FRMPD2: variants seen among roughly 807,000 people sequenced by gnomAD.
FRMPD2 encodes FERM and PDZ domain-containing protein 2.
Under a neutral mutation model 140.1 loss-of-function variants are expected in FRMPD2, and 96 were observed. The observed-to-expected ratio is 0.69, with a 90% CI of 0.58 to 0.81. The LOEUF (loss-of-function observed/expected upper bound fraction) is 0.81. Ranked by LOEUF, FRMPD2 falls within the 40% of genes least tolerant of loss-of-function variation. The probability of loss-of-function intolerance (pLI) is 0.00; values close to 1 mark genes in which losing one functional copy is unlikely to be tolerated. For synonymous variants in FRMPD2, 449 were observed against 547.6 expected (o/e 0.82, Z 2.52); for missense variants, 1,240 against 1,447.4 (o/e 0.86, Z 2.32).
intron 20 of FRMPD2, among the ~76,000 whole-genome samples, chr10:48,184,321 C>A (rs769297206): frequency 1.3e-5 from 2 of 152,096 alleles, no homozygotes; most frequent in Admixed American, 1.3e-4. Context: ...TGTATCCAGC[C>A]GTGTCTAACA....
chr10:48,238,589 ACT>A (rs1252018421), intron 7 of FRMPD2, among the ~76,000 whole-genome samples: 3 of 152,170 alleles, frequency 2.0e-5, no homozygotes, highest in African/African-American at 4.8e-5. Context: ...TGCAAGATAA[ACT>A]CTACGATATC....
chr10:48,238,970 C>T (rs1297019769), intron 7 of FRMPD2, among the ~76,000 whole-genome samples: 2 of 152,158 alleles, frequency 1.3e-5, no homozygotes, highest in Non-Finnish European at 1.5e-5. Context: ...TGCACCTTGC[C>T]GTCCTCTCTC....
intron 1 of FRMPD2, among the ~76,000 whole-genome samples, chr10:48,261,218 T>C (rs1840583702): frequency 6.6e-6 from 1 of 151,870 alleles, no homozygotes; most frequent in East Asian, 1.9e-4. Flanking sequence ...TGGAAAAGAA[T>C]AGAAAAAATT....
intron 10 of FRMPD2, among the ~76,000 whole-genome samples, chr10:48,228,543 C>A (rs1290687591): frequency 6.6e-6 from 1 of 151,914 alleles, no homozygotes; most frequent in Non-Finnish European, 1.5e-5. Context: ...CTCTATTCTA[C>A]ACTGAAAAAA....
intron 12 of FRMPD2, among the ~76,000 whole-genome samples, chr10:48,217,401 G>A (rs1839475439): frequency 6.6e-6 from 1 of 152,174 alleles, no homozygotes; most frequent in Non-Finnish European, 1.5e-5. Flanking sequence ...AATACACAGG[G>A]ACTTTGAAGA....
intron 10 of FRMPD2, among the ~76,000 whole-genome samples, chr10:48,224,719 T>TA (rs1839684776): frequency 6.6e-6 from 1 of 152,104 alleles, no homozygotes; most frequent in East Asian, 1.9e-4. Context: ...TAGGCAGGTG[T>TA]AAAATTGTCC....
intron 10 of FRMPD2, among the ~76,000 whole-genome samples, chr10:48,229,476 C>G (rs1021919163): frequency 6.6e-6 from 1 of 152,040 alleles, no homozygotes; most frequent in Non-Finnish European, 1.5e-5. Flanking sequence ...CCCTTGGAAG[C>G]AACAAAGGAT....
intron 1 of FRMPD2, among the ~76,000 whole-genome samples, chr10:48,268,444 C>T (rs186217679): frequency 4.6e-5 from 7 of 152,290 alleles, no homozygotes; most frequent in East Asian, 1.9e-4. Flanking sequence ...TGCATGTGAA[C>T]GTGTGTGTTT....
intron 20 of FRMPD2, among the ~76,000 whole-genome samples, chr10:48,183,709 G>A (rs965645150): frequency 4.0e-5 from 6 of 151,864 alleles, no homozygotes; most frequent in African/African-American, 4.8e-5. Context: ...AAAATTAGCC[G>A]GGTGTGGCAG....
At chr10:48,249,283 G>A in intron 2 of FRMPD2, 105 bp from the exon 3 acceptor site, 1 of 1,055,780 alleles carries the variant, frequency 9.5e-7, no homozygotes, top group Non-Finnish European at 1.4e-6. Context: ...CTCTGGGACT[G>A]AATGTGAGCA....
intron 1 of FRMPD2, among the ~76,000 whole-genome samples, chr10:48,264,093 A>G (rs1315534339): frequency 6.6e-6 from 1 of 151,994 alleles, no homozygotes. Flanking sequence ...ACAGCAAATC[A>G]TGATTAAAAA....
chr10:48,211,324 C>T (rs1050273287), intron 13 of FRMPD2, among the ~76,000 whole-genome samples: 2 of 152,238 alleles, frequency 1.3e-5, no homozygotes, highest in African/African-American at 4.8e-5. Flanking sequence ...GTGCACAGGC[C>T]ACAGCAGCTG....
rs758506692 is a variant in FRMPD2 at position 48,212,050 on chromosome 10, C to T, written c.1515G>A (p.Glu505=). ...VEDYIPASLI[E]RMTALRVQVE... is the part of the protein sequence containing the mutation. ...CCTGGACCCGTAGAGCGGTCATCCT[C>T]TCGATCAGACTCGCTGGGATGTAAT... The change falls in exon 13 of 29, where the codon GAG becomes GAA. Residue 505 remains glutamate (E), a synonymous_variant. Coordinates refer to ENST00000374201, the MANE Select transcript of FRMPD2 (RefSeq NM_001018071.4). The T allele has an allele frequency of 3.1e-6, 5 of 1,613,992 alleles. No homozygotes were observed. Among genetic ancestry groups the T allele is most frequent in the African/African-American group, 1.3e-5 (1 of 74,914 alleles).
rs1282343864 is a variant in FRMPD2 at position 48,159,787 on chromosome 10, CA to C, written c.3882-2418del. Reference sequence around the variant, plus strand: ...CATGAGTTTAATGATATGTGCTAGGCAAAAAGAGAAAGAGAAAGATAACCTT... The same window carrying C: ...CATGAGTTTAATGATATGTGCTAGGCAAAAGAGAAAGAGAAAGATAACCTT... On this transcript the variant is annotated intron_variant, in intron 28 of 28. Transcript: ENST00000374201. 3.3e-5 allele frequency among the ~76,000 whole-genome samples: 5 copies of C among 151,530 alleles called. No homozygotes were observed. In the South Asian group the frequency reaches 6.2e-4, roughly 19 times the overall value.
intron 14 of FRMPD2, among the ~76,000 whole-genome samples, 194 bp downstream of exon 14, chr10:48,206,554 A>G (rs903576433): frequency 6.6e-6 from 1 of 152,022 alleles, no homozygotes; most frequent in Admixed American, 6.6e-5. Context: ...CCTCCTGAGG[A>G]CCTCCCAAAA....
chr10:48,178,452 C>T (rs570502803), intron 21 of FRMPD2, among the ~76,000 whole-genome samples: 6 of 152,280 alleles, frequency 3.9e-5, no homozygotes, highest in South Asian at 4.1e-4. Flanking sequence ...GTCCTGTCTG[C>T]CCCCTTTACT....
chr10:48,240,409 G>C lies in FRMPD2; in HGVS notation c.651C>G (p.Ser217Arg). Reference sequence around the variant, plus strand: ...GGGCCTGTGCCGCTGGGCTCTCGCTGCTTGTCCCACGCAGCCTCTTCCTGA... The same window carrying C: ...GGGCCTGTGCCGCTGGGCTCTCGCTCCTTGTCCCACGCAGCCTCTTCCTGA... ...YLLRKRLRGT[S>R]SESPAAQAPE... Residue 217 changes from serine to arginine, a missense_variant, in exon 6 of 29, where the codon AGC becomes AGG. Physicochemically the swap from Ser to Arg is moderately radical, Grantham distance 110 (BLOSUM62 -1). Transcript: ENST00000374201. 6.2e-7 allele frequency: 1 copy of C among 1,613,462 alleles called. No homozygotes were observed. Among genetic ancestry groups the C allele is most frequent in the South Asian group, 1.1e-5 (1 of 91,080 alleles).
chr10:48,214,313 A>G lies in FRMPD2; in HGVS notation c.1456-2204T>C, dbSNP rs139698407. Among the ~76,000 whole-genome samples, 514 of 152,330 alleles carry G rather than the reference A, an allele frequency of 3.4e-3. 4 individuals carry two copies. Among genetic ancestry groups the G allele is most frequent in the African/African-American group, 0.012 (480 of 41,570 alleles). On this transcript the variant is annotated intron_variant, in intron 12 of 28. Coordinates refer to ENST00000374201, the MANE Select transcript of FRMPD2 (RefSeq NM_001018071.4). ...TTTAAATTTAGAGATTCATCTCCAT[A>G]TTCTATTTGACTTCAACAATAGCAT...
At chr10:48,213,451 A>G (rs558111215) in intron 12 of FRMPD2, among the ~76,000 whole-genome samples, 2 of 152,244 alleles carry the variant, frequency 1.3e-5, no homozygotes, top group Non-Finnish European at 2.9e-5. Context: ...TATGCTTACC[A>G]TATGATTGAG....
Sources: gnomAD v4.1 joint callset for allele counts (sites outside exome capture counted in the v4.1 genomes callset) on GRCh38, gnomAD v4.1.1 for gene constraint, MANE v1.5 for transcripts, NCBI Gene and HGNC (gene_info 2026-07-23, HGNC 2026-07-21) for gene names.